The following ABCB1 variants were observed in gnomAD, a reference collection of about 807,000 sequenced individuals.
ABCB1 encodes ATP binding cassette subfamily B member 1.
In ABCB1, 69 loss-of-function variants were observed where a neutral mutation model predicts 142.0. The ratio of observed to expected loss-of-function variants is 0.49; its 90% CI spans 0.40 to 0.59. The LOEUF is 0.59. Ranked by LOEUF, ABCB1 falls within the 20% of genes least tolerant of loss-of-function variation. The pLI, the probability that ABCB1 is intolerant of heterozygous loss-of-function variation, is 0.00. For synonymous variants in ABCB1, 532 were observed against 539.2 expected (o/e 0.99, Z 0.18); for missense variants, 1,326 against 1,554.7 (o/e 0.85, Z 2.47).
intron 4 of ABCB1, among the ~76,000 whole-genome samples, chr7:87,576,263 A>G (rs1214937545): frequency 6.6e-6 from 1 of 151,640 alleles, no homozygotes; most frequent in African/African-American, 2.4e-5. Flanking sequence ...TATACCATAT[A>G]TTATTATGGT....
intron 8 of ABCB1, among the ~76,000 whole-genome samples, chr7:87,555,702 C>A (rs574480986): frequency 4.6e-5 from 7 of 152,062 alleles, no homozygotes; most frequent in Non-Finnish European, 1.0e-4. Context: ...TTTTGAGAAA[C>A]GTTTCAATTA....
At chr7:87,525,208 G>C (rs1176207610) in intron 21 of ABCB1, among the ~76,000 whole-genome samples, 13 of 152,072 alleles carry the variant, frequency 8.5e-5, no homozygotes, top group Admixed American at 3.9e-4. Flanking sequence ...TCTAATCCAA[G>C]AACAAATAGC....
At chr7:87,640,529 G>T (rs1449915239) in intron 1 of ABCB1, among the ~76,000 whole-genome samples, 2 of 151,808 alleles carry the variant, frequency 1.3e-5, no homozygotes, top group Non-Finnish European at 2.9e-5. Flanking sequence ...TTAATTTGTA[G>T]ATATAGGATC....
At chr7:87,615,915 G>C (rs987666048) in intron 1 of ABCB1, among the ~76,000 whole-genome samples, 2 of 152,154 alleles carry the variant, frequency 1.3e-5, no homozygotes, top group African/African-American at 4.8e-5. Flanking sequence ...TTTCCTGATG[G>C]GGATGGTGAG....
chr7:87,509,685 A>G (rs1298400485), intron 25 of ABCB1, among the ~76,000 whole-genome samples: 1 of 152,212 alleles, frequency 6.6e-6, no homozygotes, highest in Non-Finnish European at 1.5e-5. Flanking sequence ...CCTGTGTTTC[A>G]ACCATGGTTT....
rs200370991 is a variant in ABCB1, at chr7:87,550,555, C to T, written c.1137G>A (p.Ser379=). The change falls in exon 11 of 28, where the codon TCG becomes TCA. Residue 379 remains serine (S), a synonymous_variant. Coordinates refer to ENST00000622132, the MANE Select transcript of ABCB1 (RefSeq NM_001348946.2). ...TATTATCTGGTTTGTGCCCACTCTTCGAATAGCTGTCAATACTTGGCTTCT... is the reference window on the plus strand; with the variant it reads ...TATTATCTGGTTTGTGCCCACTCTTTGAATAGCTGTCAATACTTGGCTTCT... The part of the protein sequence containing the change: ...IDNKPSIDSY[S]KSGHKPDNIK... 6.2e-6 allele frequency: 10 copies of T among 1,613,418 alleles called. No individual in the cohort carries two copies. In the South Asian group the frequency reaches 6.6e-5, roughly 11 times the overall value.
intron 1 of ABCB1, among the ~76,000 whole-genome samples, chr7:87,650,442 A>G (rs1823462184): frequency 6.6e-6 from 1 of 152,152 alleles, no homozygotes; most frequent in African/African-American, 2.4e-5. Context: ...TTTACATGGC[A>G]GAAGAGGCAA....
At chr7:87,578,234 T>C (rs1818354369) in intron 4 of ABCB1, among the ~76,000 whole-genome samples, 1 of 152,170 alleles carries the variant, frequency 6.6e-6, no homozygotes, top group Admixed American at 6.5e-5. Flanking sequence ...CACTGTAGAT[T>C]TGTGGATTTA....
chr7:87,598,264 A>G (rs551945269), intron 2 of ABCB1, among the ~76,000 whole-genome samples: 1 of 152,326 alleles, frequency 6.6e-6, no homozygotes, highest in South Asian at 2.1e-4. Context: ...TTTAAATTAC[A>G]AATGTGGCTC....
chr7:87,630,343 A>C (rs1438723393), intron 1 of ABCB1, among the ~76,000 whole-genome samples: 2 of 152,242 alleles, frequency 1.3e-5, no homozygotes, highest in Non-Finnish European at 2.9e-5. Context: ...TTCTTCATTG[A>C]CTGTATTTGT....
At chr7:87,571,682 AGAG>A (rs1313488565) in intron 4 of ABCB1, among the ~76,000 whole-genome samples, 1 of 152,236 alleles carries the variant, frequency 6.6e-6, no homozygotes, top group African/African-American at 2.4e-5. Context: ...TACCCTGGTC[AGAG>A]GAGAGATTAT....
intron 10 of ABCB1, 21 bp from the exon 11 acceptor site, chr7:87,550,599 A>C (rs772165429): frequency 1.2e-6 from 2 of 1,604,114 alleles, no homozygotes; most frequent in African/African-American, 2.7e-5. Flanking sequence ...TCAAATTTTA[A>C]GAGATTACTA....
At chr7:87,556,140 T>A (rs1027822808) in intron 8 of ABCB1, among the ~76,000 whole-genome samples, 8 of 152,174 alleles carry the variant, frequency 5.3e-5, no homozygotes, top group African/African-American at 1.7e-4. Flanking sequence ...GAAATGGTCA[T>A]GAAAGTAGGA....
upstream of ABCB1, among the ~76,000 whole-genome samples, chr7:87,602,142 C>T (rs1164319743): frequency 6.6e-6 from 1 of 152,024 alleles, no homozygotes; most frequent in Non-Finnish European, 1.5e-5. Context: ...TACAGGCTCC[C>T]GCCACCACGC....
intron 24 of ABCB1, among the ~76,000 whole-genome samples, chr7:87,516,255 ATTGTTTTT>A: frequency 2.6e-5 from 4 of 152,142 alleles, no homozygotes; most frequent in African/African-American, 9.7e-5. Flanking sequence ...CTAAAAAAAA[ATTGTTTTT>A]AAAAAATCTG....
intron 1 of ABCB1, among the ~76,000 whole-genome samples, chr7:87,655,208 T>C (rs1563107113): frequency 6.6e-6 from 1 of 152,072 alleles, no homozygotes; most frequent in Non-Finnish European, 1.5e-5. Flanking sequence ...AAACCAGCAA[T>C]CCCACTTGTA....
chr7:87,626,096 ATATT>A (rs1176663046), intron 1 of ABCB1, among the ~76,000 whole-genome samples: 4 of 123,210 alleles, frequency 3.2e-5, no homozygotes, highest in South Asian at 2.8e-4. Flanking sequence ...ATATATATAT[ATATT>A]GTCATATATA....
Position 87,566,842 on chromosome 7 carries a change from T to C in ABCB1, c.473A>G (p.Gln158Arg). 6.2e-7 allele frequency: 1 copy of C among 1,614,208 alleles called. No individual in the cohort carries two copies. The highest frequency in any genetic ancestry group is 1.3e-5 in the African/African-American group (1 of 75,056). ...RKQFFHAIMR[Q>R]EIGWFDVHDV... ...GTGCACATCAAACCAGCCTATCTCCTGTCGCATTATAGCATGAAAAAACTG... is the reference window on the plus strand; with the variant it reads ...GTGCACATCAAACCAGCCTATCTCCCGTCGCATTATAGCATGAAAAAACTG... The change falls in exon 6 of 28, where the codon CAG becomes CGG. Residue 158 changes from glutamine to arginine, a missense_variant. By Grantham distance (43) the Gln-to-Arg change is conservative (BLOSUM62 1). Transcript: ENST00000622132.
In ABCB1 at chr7:87,599,018, T is replaced by C. The variant is rs1584913496; in HGVS notation, c.68+1099A>G. ...CTTTCAGTGGACTGAAAATGAACTA[T>C]TAAAAGATTATGAATTCATATTGAA... On this transcript the variant is annotated intron_variant, in intron 2 of 27. Transcript: ENST00000622132. Among the ~76,000 whole-genome samples the C allele has an allele frequency of 2.6e-5, 4 of 152,350 alleles. No homozygotes were observed. In the South Asian group the frequency reaches 8.3e-4, roughly 32 times the overall value.
Sources: gnomAD v4.1 joint callset for allele counts (sites outside exome capture counted in the v4.1 genomes callset) on GRCh38, gnomAD v4.1.1 for gene constraint, MANE v1.5 for transcripts, NCBI Gene and HGNC (gene_info 2026-07-23, HGNC 2026-07-21) for gene names.